The following TRMT44 variants were observed in gnomAD, a reference collection of about 807,000 sequenced individuals.
TRMT44 encodes the protein tRNA methyltransferase 44 homolog.
TRMT44 carries 78 observed loss-of-function variants against 77.3 expected under a neutral mutation model. The observed-to-expected ratio is 1.01, with a 90% CI of 0.84 to 1.22. The LOEUF is 1.22. Ranked by LOEUF, TRMT44 falls within the 50% of genes most tolerant of loss-of-function variation. The pLI is 0.00. For synonymous variants in TRMT44, 391 were observed against 383.3 expected, an observed-to-expected ratio of 1.02 and a Z score of -0.23; for missense variants, 1,090 against 964.4, an observed-to-expected ratio of 1.13 and a Z score of -1.73.
chr4:8,499,731 G>T, the TRMT44 span, among the ~76,000 whole-genome samples: 1 of 152,162 alleles, frequency 6.6e-6, no homozygotes, highest in African/African-American at 2.4e-5. Flanking sequence ...GGCAGAAAGA[G>T]GGGGATCACA....
At position 8,441,396 on chromosome 4, in the gene TRMT44, C is replaced by T; in HGVS notation, c.574C>T (p.Pro192Ser). Residue 192 changes from proline to serine, a missense_variant, in exon 1 of 11, where the codon CCA becomes TCA. By Grantham distance (74) the Pro-to-Ser change is moderately conservative. Coordinates refer to ENST00000389737, the MANE Select transcript of TRMT44 (RefSeq NM_152544.3). ...VLRTVIPKTS[P>S]HCPLTTPRRE... The stretch of plus-strand genomic sequence containing the variant: ...CAGAACCGTCATCCCGAAAACTAGC[C>T]CACATTGCCCCCTTACAACTCCCAG... 1 of 1,528,432 alleles carries T rather than the reference C, an allele frequency of 6.5e-7. No individual in the cohort carries two copies. The highest frequency in any genetic ancestry group is 8.8e-7 in the Non-Finnish European group (1 of 1,141,042). The allele number at this position is 1,528,432 out of a possible 1,614,324, so 94.7% of individuals were successfully genotyped here. A position where few individuals can be genotyped will look rare whatever the true frequency, so the allele number is the denominator to read the frequency against.
downstream of TRMT44, among the ~76,000 whole-genome samples, chr4:8,497,296 G>A (rs1281745467): frequency 6.6e-6 from 1 of 152,178 alleles, no homozygotes; most frequent in Non-Finnish European, 1.5e-5. Flanking sequence ...AAGTCCACAA[G>A]CTATGCACTA....
At chr4:8,464,756 GA>G (rs1726412366) in intron 7 of TRMT44, among the ~76,000 whole-genome samples, 2 of 152,140 alleles carry the variant, frequency 1.3e-5, no homozygotes, top group Admixed American at 1.3e-4. Context: ...AGGAACTGTG[GA>G]AAAAATCATT....
chr4:8,447,511 G>A (rs1421171915), intron 2 of TRMT44, among the ~76,000 whole-genome samples: 1 of 152,108 alleles, frequency 6.6e-6, no homozygotes, highest in Non-Finnish European at 1.5e-5. Flanking sequence ...GAGGGATGTG[G>A]CGAGAAGAGC....
intron 2 of TRMT44, among the ~76,000 whole-genome samples, chr4:8,482,937 C>T (rs1237779137): frequency 6.6e-6 from 1 of 151,446 alleles, no homozygotes; most frequent in East Asian, 1.9e-4. Context: ...AGATAATGGG[C>T]AATGTTTCTC....
At chr4:8,457,779 T>C (rs1429958763) in intron 6 of TRMT44, among the ~76,000 whole-genome samples, 1 of 152,084 alleles carries the variant, frequency 6.6e-6, no homozygotes, top group African/African-American at 2.4e-5. Flanking sequence ...AAGGAAATCA[T>C]GAAAGAGTTG....
intron 6 of TRMT44, among the ~76,000 whole-genome samples, chr4:8,455,360 G>A (rs1725738577): frequency 6.6e-6 from 1 of 152,244 alleles, no homozygotes; most frequent in Non-Finnish European, 1.5e-5. Flanking sequence ...ACCCCCATGA[G>A]CAAGTGGAGG....
In TRMT44 at chr4:8,465,116, A is replaced by G. The variant is rs530783690; in HGVS notation, c.1311-262A>G. On this transcript the variant is annotated intron_variant, in intron 7 of 10. Transcript: ENST00000389737. ...TTTGAAAAACCCCCTGGTAGTTACT[A>G]TGCTCACTGCTTGGGTCATGGGGTC... is the stretch of plus-strand genomic sequence containing the variant. Among the ~76,000 whole-genome samples the G allele has an allele frequency of 3.3e-5, 5 of 152,240 alleles. No homozygotes were observed. In the South Asian group the frequency reaches 6.2e-4, roughly 19 times the overall value.
In TRMT44 at chr4:8,468,304, A is replaced by G. The variant is rs779280245; in HGVS notation, c.1885A>G (p.Arg629Gly). 12 of 1,614,106 alleles carry G rather than the reference A, an allele frequency of 7.4e-6. No homozygotes were observed. In the East Asian group the frequency reaches 2.2e-4, roughly 30 times the overall value. ...LLLGGKQLNT[R>G]SSRNGSLKTW... ...GTTAGGTGGAAAGCAATTAAACACA[A>G]GAAGTTCTCGAAATGGGAGTTTGAA... Residue 629 changes from arginine to glycine, a missense_variant, in exon 9 of 11, where the codon AGA (arginine) becomes GGA (glycine). Physicochemically the swap from Arg to Gly is moderately radical, Grantham distance 125. Transcript: ENST00000389737.
chr4:8,499,441 C>G, the TRMT44 span, among the ~76,000 whole-genome samples: 1 of 152,080 alleles, frequency 6.6e-6, no homozygotes, highest in Non-Finnish European at 1.5e-5. Flanking sequence ...ATCCACGGAG[C>G]CTCAGGCCTT....
chr4:8,477,434 G>A (rs1395522120), downstream of TRMT44: 1 of 152,398 alleles, frequency 6.6e-6, no homozygotes, highest in Non-Finnish European at 1.5e-5. Context: ...CTTTGGGGCA[G>A]GCCCCAGTTT....
At chr4:8,479,904 G>A (rs73223257), downstream of TRMT44, among the ~76,000 whole-genome samples, 3,315 of 152,048 alleles carry the variant, frequency 0.022, 60 homozygotes, top group African/African-American at 0.051. Context: ...TTGAGACGGG[G>A]TCTTGTTGTG....
At position 8,465,396 on chromosome 4, in the gene TRMT44, C is replaced by T. The variant is rs1159233515; in HGVS notation, c.1329C>T (p.Arg443=). 1 of 1,612,234 alleles carries T rather than the reference C, an allele frequency of 6.2e-7. No individual in the cohort carries two copies. Among genetic ancestry groups the T allele is most frequent in the Non-Finnish European group, 8.5e-7 (1 of 1,179,394 alleles). Residue 443 remains arginine, a synonymous_variant, in exon 8 of 11, where the codon CGC becomes CGT. Coordinates refer to ENST00000389737, the MANE Select transcript of TRMT44 (RefSeq NM_152544.3). ...TTTGAAGGTCTTCCTACAATTGCCGCTTCTTTGTCCTCCCCTGCTGCTTCT... is the reference window on the plus strand; with the variant it reads ...TTTGAAGGTCTTCCTACAATTGCCGTTTCTTTGTCCTCCCCTGCTGCTTCT... ...VIAARSSYNC[R]FFVLPCCFFD...
At chr4:8,502,054 T>A in the TRMT44 span, among the ~76,000 whole-genome samples, 2 of 152,226 alleles carry the variant, frequency 1.3e-5, no homozygotes, top group African/African-American at 4.8e-5. Context: ...GGCTATTGAT[T>A]GTTTTGTTCA....
the TRMT44 span, chr4:8,508,858 G>A: frequency 6.5e-6 from 1 of 153,608 alleles, no homozygotes; most frequent in Non-Finnish European, 1.4e-5. Flanking sequence ...CTGTGTCCTT[G>A]GCTGCCTTCC....
In TRMT44 at chr4:8,468,246, T is replaced by A; in HGVS notation, c.1827T>A (p.Ile609=). 1 of 1,614,272 alleles carries A rather than the reference T, an allele frequency of 6.2e-7. No individual in the cohort carries two copies. The highest frequency in any genetic ancestry group is 1.1e-5 in the South Asian group (1 of 91,090). Residue 609 remains isoleucine (I), a synonymous_variant, in exon 9 of 11, where the codon ATT becomes ATA. Transcript: ENST00000389737. ...GTGCCGCCCTGCCACGAGATTTTAT[T>A]GACCAAGTGGTTTTGCAAGTAGCGA... The part of the protein sequence containing the change: ...RNCAALPRDF[I]DQVVLQVANL...
At position 8,468,182 on chromosome 4, in the gene TRMT44, G is replaced by T. The variant is rs1179334197; in HGVS notation, c.1763G>T (p.Gly588Val). The part of the protein sequence containing the change: ...GPQAEGPWLP[G>V]FHPREKAERV... ...CAGGCTGAAGGACCCTGGCTACCTG[G>T]ATTTCATCCCAGAGAAAAGGCTGAG... The change falls in exon 9 of 11, where the codon GGA (glycine) becomes GTA (valine). Residue 588 changes from glycine to valine, a missense_variant. Coordinates refer to ENST00000389737, the MANE Select transcript of TRMT44 (RefSeq NM_152544.3). 1.2e-6 allele frequency: 2 copies of T among 1,614,180 alleles called. No individual in the cohort carries two copies. The highest frequency in any genetic ancestry group is 1.7e-6 in the Non-Finnish European group (2 of 1,180,048).
intron 6 of TRMT44, among the ~76,000 whole-genome samples, chr4:8,455,144 C>G (rs927831246): frequency 6.6e-6 from 1 of 152,328 alleles, no homozygotes; most frequent in East Asian, 1.9e-4. Flanking sequence ...GCGAAGTCTT[C>G]TCCAAGGCCT....
chr4:8,486,218 G>A (rs897906337), intron 2 of TRMT44, among the ~76,000 whole-genome samples: 1 of 152,222 alleles, frequency 6.6e-6, no homozygotes, highest in Non-Finnish European at 1.5e-5. Context: ...CCTTGGCCTG[G>A]TGGCCAGATT....
Sources: allele counts gnomAD v4.1 joint callset (sites outside exome capture counted in the v4.1 genomes callset), GRCh38; gene constraint gnomAD v4.1.1; transcripts MANE v1.5; gene names NCBI Gene and HGNC (gene_info 2026-07-23, HGNC 2026-07-21).